The following FNIP1 variants were observed in gnomAD, a reference collection of about 807,000 sequenced individuals.
The protein encoded by FNIP1 is folliculin interacting protein 1, also known as folliculin-interacting protein 1.
In FNIP1, 40 loss-of-function variants were observed where a neutral mutation model predicts 124.5. That is an observed-to-expected ratio of 0.32 (90% CI 0.25 to 0.42). The LOEUF is 0.42. Ranked by LOEUF, FNIP1 falls within the 10% of genes least tolerant of loss-of-function variation. The pLI is 1.00. For missense variants in FNIP1, 1,176 were observed against 1,403.7 expected (o/e 0.84, Z 2.59); for synonymous variants, 472 against 470.6 (o/e 1.00, Z -0.04).
intron 15 of FNIP1, among the ~76,000 whole-genome samples, chr5:131,661,310 A>G (rs781148298): frequency 6.6e-6 from 1 of 151,374 alleles, no homozygotes; most frequent in Non-Finnish European, 1.5e-5. Flanking sequence ...AGCAGACCTA[A>G]CTCGGAGAAC....
At chr5:131,670,739 A>T in intron 14 of FNIP1, 108 bp from the exon 15 acceptor site, 2 of 743,370 alleles carry the variant, frequency 2.7e-6, no homozygotes, top group Non-Finnish European at 4.1e-6. Flanking sequence ...ACTAGTCTGT[A>T]TTAAAATCAA....
At chr5:131,712,803 A>T (rs1469226660) in intron 6 of FNIP1, among the ~76,000 whole-genome samples, 2 of 152,180 alleles carry the variant, frequency 1.3e-5, no homozygotes, top group Admixed American at 6.5e-5. Context: ...AAAACCAAAA[A>T]GTTTGAGAAC....
intron 9 of FNIP1, among the ~76,000 whole-genome samples, chr5:131,706,200 A>C (rs1331682182): frequency 6.6e-6 from 1 of 152,198 alleles, no homozygotes; most frequent in Admixed American, 6.5e-5. Flanking sequence ...AGGTATTTAA[A>C]CAAATGTCAC....
intron 1 of FNIP1, 58 bp downstream of exon 1, chr5:131,796,772 T>TG: frequency 6.7e-7 from 1 of 1,496,930 alleles, no homozygotes; most frequent in Non-Finnish European, 9.1e-7. Context: ...CCAACACCCC[T>TG]GGAGCCCGGA....
intron 11 of FNIP1, among the ~76,000 whole-genome samples, chr5:131,680,272 C>CA (rs1255143141): frequency 4.0e-5 from 6 of 151,642 alleles, no homozygotes; most frequent in Non-Finnish European, 4.4e-5. Flanking sequence ...ACCTAGGAGC[C>CA]AAAAAAGAGA....
chr5:131,678,256 G>A (rs1767968236), intron 12 of FNIP1, among the ~76,000 whole-genome samples: 1 of 152,170 alleles, frequency 6.6e-6, no homozygotes, highest in Admixed American at 6.5e-5. Flanking sequence ...ACGAGGCAAA[G>A]TATTAAGCAA....
chr5:131,706,222 C>T (rs1769106954), intron 9 of FNIP1, among the ~76,000 whole-genome samples, 189 bp downstream of exon 9: 1 of 152,064 alleles, frequency 6.6e-6, no homozygotes, highest in Non-Finnish European at 1.5e-5. Context: ...GAACTGTACA[C>T]CTAAAAATGG....
chr5:131,667,101 T>TA (rs1358282035), intron 15 of FNIP1, among the ~76,000 whole-genome samples: 6 of 152,200 alleles, frequency 3.9e-5, no homozygotes, highest in South Asian at 2.1e-4. Flanking sequence ...CACCAACTAA[T>TA]AAAAAATCTG....
Position 131,754,749 on chromosome 5 carries a change from A to G in FNIP1, c.93-10059T>C, listed in dbSNP as rs115742421. 4.7e-3 allele frequency among the ~76,000 whole-genome samples: 712 copies of G among 152,368 alleles called. 8 individuals carry two copies. Among genetic ancestry groups the G allele is most frequent in the African/African-American group, 0.016 (676 of 41,588 alleles). Reference sequence around the variant, plus strand: ...TACAGACTTCTTCATCCAGGCAATGAGTAAACAAAGGTTTTAAACAATAGC... The same window carrying G: ...TACAGACTTCTTCATCCAGGCAATGGGTAAACAAAGGTTTTAAACAATAGC... On this transcript the variant is annotated intron_variant, in intron 1 of 17. Transcript: ENST00000510461.
chr5:131,673,972 G>A (rs113497981), intron 13 of FNIP1, among the ~76,000 whole-genome samples: 2,497 of 151,880 alleles, frequency 0.016, 54 homozygotes, highest in African/African-American at 0.053. Context: ...GGAGGCAGAG[G>A]GTGCACTGAG....
chr5:131,705,839 C>A (rs1238734116), intron 9 of FNIP1, among the ~76,000 whole-genome samples: 2 of 152,074 alleles, frequency 1.3e-5, no homozygotes, highest in African/African-American at 4.8e-5. Context: ...GAAGTGGAAG[C>A]AACCCAAGTG....
chr5:131,735,454 A>ATATATATAT (rs1554097348), intron 2 of FNIP1, among the ~76,000 whole-genome samples: 5 of 147,480 alleles, frequency 3.4e-5, no homozygotes, highest in Admixed American at 6.8e-5. Flanking sequence ...AACTTAAAGT[A>ATATATATAT]TTTTATATAT....
Position 131,677,859 on chromosome 5 carries a change from G to A in FNIP1, c.1363C>T (p.Leu455Phe), listed in dbSNP as rs769073865. The stretch of plus-strand genomic sequence containing the variant: ...TGATTGGTCAGAACTGCAGTAATGA[G>A]AGCTGGCAAGAATCTGAAAACAAAA... Reference protein sequence around the residue: ...NASKNQFLPALITAVLTNHLA... With the variant: ...NASKNQFLPAFITAVLTNHLA... The change falls in exon 13 of 18, where the codon CTC (leucine) becomes TTC (phenylalanine). Residue 455 changes from leucine to phenylalanine, a missense_variant. This residue lies in a region of FNIP1 where 1,109 missense variants were observed against 1,288.5 expected (regional missense o/e 0.86). Coordinates refer to ENST00000510461, the MANE Select transcript of FNIP1 (RefSeq NM_133372.3). 2.5e-6 allele frequency: 4 copies of A among 1,613,236 alleles called. No individual in the cohort carries two copies. Among genetic ancestry groups the A allele is most frequent in the South Asian group, 2.2e-5 (2 of 91,036 alleles).
intron 17 of FNIP1, 50 bp downstream of exon 17, chr5:131,647,040 C>T: frequency 6.6e-7 from 1 of 1,518,640 alleles, no homozygotes; most frequent in Non-Finnish European, 9.1e-7. Context: ...AATTCCTTGC[C>T]TGATGACAGG....
intron 15 of FNIP1, among the ~76,000 whole-genome samples, chr5:131,661,822 T>C (rs772660901): frequency 2.0e-4 from 31 of 152,154 alleles, no homozygotes; most frequent in Non-Finnish European, 3.5e-4. Flanking sequence ...TCTCTCTCTG[T>C]GCAAATTAGA....
At chr5:131,667,638 G>C (rs1454780472) in intron 15 of FNIP1, among the ~76,000 whole-genome samples, 1 of 152,032 alleles carries the variant, frequency 6.6e-6, no homozygotes, top group Admixed American at 6.5e-5. Context: ...GCCCAGGCTG[G>C]AGTGCAGTGG....
chr5:131,677,980 T>C, intron 12 of FNIP1, 108 bp from the exon 13 acceptor site: 1 of 1,040,690 alleles, frequency 9.6e-7, no homozygotes, highest in Non-Finnish European at 1.4e-6. Flanking sequence ...TGTGGCCAAA[T>C]GGCACCAAAA....
intron 6 of FNIP1, among the ~76,000 whole-genome samples, chr5:131,713,236 TG>T (rs1769358255): frequency 6.6e-6 from 1 of 152,084 alleles, no homozygotes; most frequent in Non-Finnish European, 1.5e-5. Context: ...TACAAAAGAA[TG>T]GGGTTTCACC....
intron 1 of FNIP1, among the ~76,000 whole-genome samples, chr5:131,790,024 A>G (rs1772351857): frequency 1.3e-5 from 2 of 152,276 alleles, no homozygotes; most frequent in South Asian, 4.1e-4. Flanking sequence ...AATTAAAACC[A>G]GACCAAATAT....
Sources: gnomAD v4.1 joint callset for allele counts (sites outside exome capture counted in the v4.1 genomes callset) on GRCh38, gnomAD v4.1.1 for gene constraint, gnomAD v4.1.1 regional missense constraint, MANE v1.5 for transcripts, NCBI Gene and HGNC (gene_info 2026-07-23, HGNC 2026-07-21) for gene names.